Variants in OR5H1 observed in about 807,000 individuals in gnomAD.
OR5H1 encodes the protein olfactory receptor family 5 subfamily H member 1, also known as olfactory receptor 5H1.
For synonymous variants in OR5H1, 124 were observed against 134.4 expected, an observed-to-expected ratio of 0.92 and a Z score of 0.54; for missense variants, 378 against 366.8, an observed-to-expected ratio of 1.03 and a Z score of -0.25.
At chr3:98,132,283 T>C (rs996912496) in intron 1 of OR5H1, among the ~76,000 whole-genome samples, 2 of 152,040 alleles carry the variant, frequency 1.3e-5, no homozygotes, top group Non-Finnish European at 2.9e-5. Flanking sequence ...TTTTGGCACA[T>C]GCTTATTGTA....
chr3:98,131,301 C>T lies in OR5H1; in HGVS notation c.-19+451C>T, dbSNP rs1708253019. Among the ~76,000 whole-genome samples the T allele has an allele frequency of 3.3e-5, 5 of 151,870 alleles. No homozygotes were observed. In the South Asian group the frequency reaches 8.3e-4, roughly 25 times the overall value. The stretch of plus-strand genomic sequence containing the variant: ...TTTGACAATAATTTGAGAGCTCACA[C>T]TGTAAATTTTGTTGATGTGAATAAA... On this transcript the variant is annotated intron_variant, in intron 1 of 1. Transcript: ENST00000641874.
chr3:98,132,489 A>G (rs1293377589), intron 1 of OR5H1, among the ~76,000 whole-genome samples, 191 bp from the exon 2 acceptor site: 1 of 152,066 alleles, frequency 6.6e-6, no homozygotes, highest in East Asian at 1.9e-4. Flanking sequence ...TAATTACTGC[A>G]CAGTTTCAAA....
In OR5H1 at chr3:98,136,461, G is replaced by A. The variant is rs1013933021; in HGVS notation, c.*2822G>A. The A allele has an allele frequency of 6.6e-6, 1 of 152,286 alleles. No individual in the cohort carries two copies. Among genetic ancestry groups the A allele is most frequent in the African/African-American group, 2.4e-5 (1 of 41,578 alleles). 9.4% of individuals were successfully genotyped at this position (152,286 alleles called of 1,614,324 possible). A position where few individuals can be genotyped will look rare whatever the true frequency, so the allele number is the denominator to read the frequency against. On this transcript the variant is annotated 3_prime_UTR_variant, in exon 2 of 2. Coordinates refer to ENST00000641874, the MANE Select transcript of OR5H1 (RefSeq NM_001005338.2). Reference sequence around the variant, plus strand: ...AAAAAGGTCCTAAAAGTATATTTCAGTTCCTGGGCCTTCCAGAGAGTAAGG... The same window carrying A: ...AAAAAGGTCCTAAAAGTATATTTCAATTCCTGGGCCTTCCAGAGAGTAAGG...
chr3:98,135,997 A>G lies in OR5H1; in HGVS notation c.*2358A>G, dbSNP rs1270538239. ...CTGAGTGGGACACTAAGCATCATGC[A>G]TGAAGATTATCCTCTGACATTTATA... On this transcript the variant is annotated 3_prime_UTR_variant, in exon 2 of 2. Coordinates refer to ENST00000641874, the MANE Select transcript of OR5H1 (RefSeq NM_001005338.2). 6.6e-6 allele frequency: 1 copy of G among 152,220 alleles called. No homozygotes were observed. The highest frequency in any genetic ancestry group is 2.4e-5 in the African/African-American group (1 of 41,468). 9.4% of individuals were successfully genotyped at this position (152,220 alleles called of 1,614,324 possible). A position where few individuals can be genotyped will look rare whatever the true frequency, so the allele number is the denominator to read the frequency against.
In OR5H1 at chr3:98,135,560, G is replaced by A. The variant is rs1708308043; in HGVS notation, c.*1921G>A. The A allele has an allele frequency of 6.6e-6, 1 of 152,160 alleles. No individual in the cohort carries two copies. The allele number at this position is 152,160 out of a possible 1,614,324, so 9.4% of individuals were successfully genotyped here. A position where few individuals can be genotyped will look rare whatever the true frequency, so the allele number is the denominator to read the frequency against. ...TTACAATGTCTGGTCTCTTACAGAA[G>A]TGTTTCTTTTATGGACACTTCGTTT... On this transcript the variant is annotated 3_prime_UTR_variant, in exon 2 of 2. Coordinates refer to ENST00000641874, the MANE Select transcript of OR5H1 (RefSeq NM_001005338.2).
Position 98,133,512 on chromosome 3 carries a change from T to C in OR5H1, c.815T>C (p.Met272Thr), listed in dbSNP as rs1207422775. 1.2e-6 allele frequency: 2 copies of C among 1,613,366 alleles called. No homozygotes were observed. Residue 272 changes from methionine to threonine, a missense_variant, in exon 2 of 2, where the codon ATG becomes ACG. Transcript: ENST00000641874. ...TCTCCGCAAGCAGATGATCAAGATA[T>C]GGTGGAGCCTCTATTCTACACTGTC... The part of the protein sequence containing the change: ...PASPQADDQD[M>T]VEPLFYTVII...
chr3:98,135,471 C>T lies in OR5H1; in HGVS notation c.*1832C>T, dbSNP rs537145126. The stretch of plus-strand genomic sequence containing the variant: ...TATGGGATATTGACTAAAACTCAGG[C>T]ATACTTGCACTCTCTGTGGCCAGCA... On this transcript the variant is annotated 3_prime_UTR_variant, in exon 2 of 2. Coordinates refer to ENST00000641874, the MANE Select transcript of OR5H1 (RefSeq NM_001005338.2). 2.0e-5 allele frequency: 3 copies of T among 152,274 alleles called. No individual in the cohort carries two copies. The highest frequency in any genetic ancestry group is 7.2e-5 in the African/African-American group (3 of 41,542). The allele number at this position is 152,274 out of a possible 1,614,324, so 9.4% of individuals were successfully genotyped here.
chr3:98,132,603 C>T (rs1020629964), intron 1 of OR5H1, 77 bp from the exon 2 acceptor site: 5 of 1,518,392 alleles, frequency 3.3e-6, no homozygotes, highest in African/African-American at 1.4e-5. Flanking sequence ...TTAGGTTTTC[C>T]TTCAGCACCT....
intron 1 of OR5H1, among the ~76,000 whole-genome samples, chr3:98,131,300 A>G (rs1235811639): frequency 6.6e-6 from 1 of 151,974 alleles, no homozygotes; most frequent in Non-Finnish European, 1.5e-5. Context: ...GAGAGCTCAC[A>G]CTGTAAATTT....
In OR5H1 at chr3:98,137,344, C is replaced by T. The variant is rs561124248; in HGVS notation, c.*3705C>T. 2.6e-3 allele frequency: 392 copies of T among 152,260 alleles called. 2 individuals are homozygous for T. Among genetic ancestry groups the T allele is most frequent in the African/African-American group, 9.0e-3 (373 of 41,564 alleles). 9.4% of individuals were successfully genotyped at this position (152,260 alleles called of 1,614,324 possible). A position where few individuals can be genotyped will look rare whatever the true frequency, so the allele number is the denominator to read the frequency against. ...AAATCTTTACTTGTCAGAGCCTTTTCCGCAAATCTGTTGAGATTAGACAGA... is the reference window on the plus strand; with the variant it reads ...AAATCTTTACTTGTCAGAGCCTTTTTCGCAAATCTGTTGAGATTAGACAGA... On this transcript the variant is annotated 3_prime_UTR_variant, in exon 2 of 2. Coordinates refer to ENST00000641874, the MANE Select transcript of OR5H1 (RefSeq NM_001005338.2).
chr3:98,135,366 A>G lies in OR5H1; in HGVS notation c.*1727A>G, dbSNP rs1708306096. ...GAGTTGGATTCCTGTTTGCTTAGGT[A>G]CAAACCCACTTTGCTGGACCCACGT... On this transcript the variant is annotated 3_prime_UTR_variant, in exon 2 of 2. Transcript: ENST00000641874. 1 of 152,182 alleles carries G rather than the reference A, an allele frequency of 6.6e-6. No homozygotes were observed. 9.4% of individuals were successfully genotyped at this position (152,182 alleles called of 1,614,324 possible). A position where few individuals can be genotyped will look rare whatever the true frequency, so the allele number is the denominator to read the frequency against.
In OR5H1 at chr3:98,133,773, T is replaced by A; in HGVS notation, c.*134T>A. On this transcript the variant is annotated 3_prime_UTR_variant, in exon 2 of 2. Transcript: ENST00000641874. Reference sequence around the variant, plus strand: ...AGTGAGCTAATGTTTTAGTACCTAATAAACTAATCGCAATATGTCTATATG... The same window carrying A: ...AGTGAGCTAATGTTTTAGTACCTAAAAAACTAATCGCAATATGTCTATATG... 4.4e-6 allele frequency: 3 copies of A among 678,358 alleles called. No homozygotes were observed. In the South Asian group the frequency reaches 5.4e-5, roughly 12 times the overall value. The allele number at this position is 678,358 out of a possible 1,614,324, so 42.0% of individuals were successfully genotyped here.
In OR5H1 at chr3:98,135,028, T is replaced by TATACA. The variant is rs1708302794; in HGVS notation, c.*1389_*1390insATACA. On this transcript the variant is annotated 3_prime_UTR_variant, in exon 2 of 2. Coordinates refer to ENST00000641874, the MANE Select transcript of OR5H1 (RefSeq NM_001005338.2). The stretch of plus-strand genomic sequence containing the variant: ...TTTAGTTTTTCATATGTATACATAG[T>TATACA]GATACAAGATATATATTAGTACTTA... 1 of 152,172 alleles carries TATACA rather than the reference T, an allele frequency of 6.6e-6. No individual in the cohort carries two copies. The highest frequency in any genetic ancestry group is 1.5e-5 in the Non-Finnish European group (1 of 68,032). 9.4% of individuals were successfully genotyped at this position (152,172 alleles called of 1,614,324 possible).
At chr3:98,131,027 A>G (rs1378244152) in intron 1 of OR5H1, among the ~76,000 whole-genome samples, 177 bp downstream of exon 1, 2 of 152,070 alleles carry the variant, frequency 1.3e-5, no homozygotes, top group Non-Finnish European at 2.9e-5. Flanking sequence ...ATATGGATAA[A>G]GAGTTATAAG....
rs569198734 is a variant in OR5H1 at position 98,136,959 on chromosome 3, G to C, written c.*3320G>C. 1 of 152,240 alleles carries C rather than the reference G, an allele frequency of 6.6e-6. No individual in the cohort carries two copies. The highest frequency in any genetic ancestry group is 2.1e-4 in the South Asian group (1 of 4,826). 9.4% of individuals were successfully genotyped at this position (152,240 alleles called of 1,614,324 possible). A position where few individuals can be genotyped will look rare whatever the true frequency, so the allele number is the denominator to read the frequency against. On this transcript the variant is annotated 3_prime_UTR_variant, in exon 2 of 2. Transcript: ENST00000641874. Reference sequence around the variant, plus strand: ...ACCCAGCCTCAAGAATTTCTTTATTGCAACACTAAATGGAATGAGGCAGGG... The same window carrying C: ...ACCCAGCCTCAAGAATTTCTTTATTCCAACACTAAATGGAATGAGGCAGGG...
intron 1 of OR5H1, among the ~76,000 whole-genome samples, chr3:98,131,952 G>T (rs146329495): frequency 6.6e-6 from 1 of 151,882 alleles, no homozygotes; most frequent in Non-Finnish European, 1.5e-5. Context: ...CTATTTCTTT[G>T]TCTTACTGTC....
Position 98,138,174 on chromosome 3 carries a change from G to C in OR5H1, c.*4535G>C, listed in dbSNP as rs1169570661. ...CAACTCTAAGGGGGTCCGCGTGAGA[G>C]GGTCGTGATCGATTGAGCAAGCCAG... On this transcript the variant is annotated 3_prime_UTR_variant, in exon 2 of 2. Coordinates refer to ENST00000641874, the MANE Select transcript of OR5H1 (RefSeq NM_001005338.2). 6.6e-6 allele frequency: 1 copy of C among 152,156 alleles called. No homozygotes were observed. Among genetic ancestry groups the C allele is most frequent in the African/African-American group, 2.4e-5 (1 of 41,450 alleles). 9.4% of individuals were successfully genotyped at this position (152,156 alleles called of 1,614,324 possible). A position where few individuals can be genotyped will look rare whatever the true frequency, so the allele number is the denominator to read the frequency against.
At chr3:98,132,390 G>T (rs1231672488) in intron 1 of OR5H1, among the ~76,000 whole-genome samples, 2 of 151,944 alleles carry the variant, frequency 1.3e-5, no homozygotes, top group East Asian at 3.9e-4. Flanking sequence ...TGTATCATAT[G>T]CCAGTCAAAC....
rs1343542313 is a variant in OR5H1, at chr3:98,138,368, G to A, written c.*4729G>A. ...GCTTAGGTCAGGCAGGCCCAGGCCT[G>A]GTTTCGGGTCTGGTTCCTAGACGCC... On this transcript the variant is annotated 3_prime_UTR_variant, in exon 2 of 2. Transcript: ENST00000641874. 1 of 152,202 alleles carries A rather than the reference G, an allele frequency of 6.6e-6. No individual in the cohort carries two copies. Among genetic ancestry groups the A allele is most frequent in the East Asian group, 1.9e-4 (1 of 5,188 alleles). The allele number at this position is 152,202 out of a possible 1,614,324, so 9.4% of individuals were successfully genotyped here.
Sources: allele counts gnomAD v4.1 joint callset (sites outside exome capture counted in the v4.1 genomes callset), GRCh38; gene constraint gnomAD v4.1.1; transcripts MANE v1.5; gene names NCBI Gene and HGNC (gene_info 2026-07-23, HGNC 2026-07-21).